Variants in SPTAN1 observed in about 807,000 individuals in gnomAD.
SPTAN1 encodes the protein spectrin alpha chain, non-erythrocytic 1.
SPTAN1 carries 61 observed loss-of-function variants against 331.3 expected under a neutral mutation model. The ratio of observed to expected loss-of-function variants is 0.18; its 90% CI spans 0.15 to 0.23. SPTAN1 has a LOEUF of 0.23. SPTAN1 is among the 10% of genes least tolerant of loss of function. The probability of loss-of-function intolerance (pLI) is 1.00; values close to 1 mark genes in which losing one functional copy is unlikely to be tolerated. For synonymous variants in SPTAN1, 1,153 were observed against 1,173.9 expected, an observed-to-expected ratio of 0.98 and a Z score of 0.36; for missense variants, 2,043 against 3,147.9, an observed-to-expected ratio of 0.65 and a Z score of 8.40.
chr9:128,614,314 G>A (rs1589336847), intron 40 of SPTAN1, among the ~76,000 whole-genome samples: 1 of 151,866 alleles, frequency 6.6e-6, no homozygotes, highest in Non-Finnish European at 1.5e-5. Flanking sequence ...AAATTAGGCT[G>A]GGCATGGTGA....
intron 1 of SPTAN1, among the ~76,000 whole-genome samples, chr9:128,562,541 C>T (rs11789468): frequency 0.78 from 118,908 of 152,020 alleles, 48,130 homozygotes; most frequent in Non-Finnish European, 0.9. Flanking sequence ...ACATGAGATA[C>T]GGCTGGAGGA....
Position 128,617,750 on chromosome 9 carries a change from C to T in SPTAN1, c.5468C>T (p.Pro1823Leu), listed in dbSNP as rs561973288. The T allele has an allele frequency of 3.2e-5, 52 of 1,614,030 alleles. No homozygotes were observed. Among genetic ancestry groups the T allele is most frequent in the African/African-American group, 5.3e-5 (4 of 75,026 alleles). The change falls in exon 42 of 57, where the codon CCG (proline) becomes CTG (leucine). Residue 1823 changes from proline to leucine, a missense_variant. Physicochemically the swap from Pro to Leu is moderately conservative, Grantham distance 98. Transcript: ENST00000372739. The stretch of plus-strand genomic sequence containing the variant: ...GAAGCAGAACTGGCTGCGCATGAGC[C>T]GGCTATTCAGGTAAGGAGGCCGCCT... Reference protein sequence around the residue: ...RLEAELAAHEPAIQGVLDTGK... With the variant: ...RLEAELAAHELAIQGVLDTGK...
intron 45 of SPTAN1, among the ~76,000 whole-genome samples, chr9:128,624,086 C>CAAAA (rs11444346): frequency 7.5e-5 from 5 of 66,796 alleles, no homozygotes; most frequent in East Asian, 3.1e-4. Context: ...CACTCCGTCT[C>CAAAA]AAAAAAAAAA....
intron 3 of SPTAN1, among the ~76,000 whole-genome samples, chr9:128,570,341 T>A (rs1298596410): frequency 0.032 from 2,669 of 82,474 alleles, 26 homozygotes; most frequent in Admixed American, 0.05. Flanking sequence ...TTTTTTTTTT[T>A]TTTTTTTTTT....
intron 3 of SPTAN1, among the ~76,000 whole-genome samples, chr9:128,572,480 T>TC (rs1850846183): frequency 6.6e-6 from 1 of 151,096 alleles, no homozygotes; most frequent in East Asian, 1.9e-4. Flanking sequence ...CCTAGTTCTT[T>TC]CTTGAGGGTG....
chr9:128,611,949 A>G (rs1304393115), intron 38 of SPTAN1, 104 bp downstream of exon 38: 3 of 1,604,232 alleles, frequency 1.9e-6, no homozygotes, highest in Non-Finnish European at 2.6e-6. Context: ...TAAATGGATT[A>G]TAGAAGACTT....
chr9:128,598,703 G>C (rs949299124), intron 25 of SPTAN1, 199 bp downstream of exon 25: 1 of 662,368 alleles, frequency 1.5e-6, no homozygotes. Context: ...TGGTTTGGAG[G>C]GGGGTGGGGG....
intron 3 of SPTAN1, 83 bp downstream of exon 3, chr9:128,568,980 C>G: frequency 6.3e-7 from 1 of 1,585,480 alleles, no homozygotes; most frequent in South Asian, 1.1e-5. Context: ...GTTTGGGTTC[C>G]CAAAAAGATA....
At chr9:128,574,881 T>G (rs1350709560) in intron 4 of SPTAN1, 66 bp downstream of exon 4, 4 of 1,609,326 alleles carry the variant, frequency 2.5e-6, no homozygotes, top group Non-Finnish European at 3.4e-6. Context: ...TCCTCTGTGA[T>G]CTGTAGTGAG....
chr9:128,596,576 T>G (rs1854320179), intron 24 of SPTAN1: 1 of 152,254 alleles, frequency 6.6e-6, no homozygotes, highest in South Asian at 2.1e-4. Context: ...ACGCCCGGCC[T>G]AATATACTAC....
intron 44 of SPTAN1, among the ~76,000 whole-genome samples, chr9:128,620,082 G>A (rs1442096118): frequency 3.3e-5 from 5 of 152,220 alleles, no homozygotes; most frequent in East Asian, 3.9e-4. Context: ...GCTGCAAGAT[G>A]TCTGCGGCCT....
Position 128,588,806 on chromosome 9 carries a change from T to C in SPTAN1, c.2872-3T>C, listed in dbSNP as rs1300751948. 1 of 1,614,062 alleles carries C rather than the reference T, an allele frequency of 6.2e-7. No homozygotes were observed. Among genetic ancestry groups the C allele is most frequent in the Non-Finnish European group, 8.5e-7 (1 of 1,180,032 alleles). On this transcript the variant is annotated splice_polypyrimidine_tract_variant and splice_region_variant and intron_variant, in intron 20 of 56. Coordinates refer to ENST00000372739, the MANE Select transcript of SPTAN1 (RefSeq NM_001130438.3). ...CATGTTTGCCCTTCCTTTGGATTTT[T>C]AGCAACAAGTGGCCCCCACGGATGA...
chr9:128,596,272 T>TTTTG (rs529492181), intron 24 of SPTAN1: 3 of 152,074 alleles, frequency 2.0e-5, no homozygotes, highest in South Asian at 2.1e-4. Flanking sequence ...TGTTCGTTTT[T>TTTTG]TTTGTTTGTT....
chr9:128,584,943 G>GGCTGAATACC, intron 18 of SPTAN1, 100 bp downstream of exon 18: 1 of 1,392,098 alleles, frequency 7.2e-7, no homozygotes, highest in Admixed American at 1.7e-5. Flanking sequence ...CAGGCTCTGG[G>GGCTGAATACC]GCTGAATACC....
intron 17 of SPTAN1, 29 bp from the exon 18 acceptor site, chr9:128,584,692 G>C (rs895145315): frequency 1.9e-6 from 3 of 1,614,204 alleles, no homozygotes; most frequent in Admixed American, 1.7e-5. Context: ...TTCATGGTTG[G>C]ATAACTGGGG....
intron 45 of SPTAN1, chr9:128,621,611 C>T (rs1589368334): frequency 5.5e-6 from 2 of 366,408 alleles, no homozygotes; most frequent in East Asian, 1.3e-4. Flanking sequence ...CCCACCCTGA[C>T]ACCACACATT....
intron 51 of SPTAN1, 162 bp downstream of exon 51, chr9:128,628,104 C>A: frequency 1.1e-6 from 1 of 923,792 alleles, no homozygotes; most frequent in Non-Finnish European, 1.8e-6. Flanking sequence ...GAGTGTGTGC[C>A]TTGCCCCATA....
At chr9:128,576,727 G>T (rs1851346623) in intron 5 of SPTAN1, 96 bp from the exon 6 acceptor site, 2 of 1,507,258 alleles carry the variant, frequency 1.3e-6, no homozygotes, top group South Asian at 1.2e-5. Context: ...TCAGAGTGGT[G>T]ATTTGCTGAG....
rs763532438 is a variant in SPTAN1, at chr9:128,607,726, T to C, written c.4146+23T>C. 7 of 1,611,864 alleles carry C rather than the reference T, an allele frequency of 4.3e-6. No homozygotes were observed. The South Asian group carries it at 7.7e-5, about 18-fold the overall frequency. ...CAGGTGGGTGGACCTGCCTGCTGAGTAGCAAAGACGTGGCTGCTCTGCAGG... is the reference window on the plus strand; with the variant it reads ...CAGGTGGGTGGACCTGCCTGCTGAGCAGCAAAGACGTGGCTGCTCTGCAGG... On this transcript the variant is annotated intron_variant, in intron 32 of 56. Coordinates refer to ENST00000372739, the MANE Select transcript of SPTAN1 (RefSeq NM_001130438.3).
Sources: gnomAD v4.1 joint callset for allele counts (sites outside exome capture counted in the v4.1 genomes callset) on GRCh38, gnomAD v4.1.1 for gene constraint, MANE v1.5 for transcripts, NCBI Gene and HGNC (gene_info 2026-07-23, HGNC 2026-07-21) for gene names.